Variants in WDR86 observed in about 807,000 individuals in gnomAD.
WDR86 encodes the protein WD repeat-containing protein 86.
In WDR86, 30 loss-of-function variants were observed where a neutral mutation model predicts 36.5. The ratio of observed to expected loss-of-function variants is 0.82; its 90% confidence interval spans 0.61 to 1.11. The LOEUF is 1.11. Among genes scored for constraint, WDR86 ranks in the 50% most tolerant of loss-of-function variants. The probability of loss-of-function intolerance (pLI) is 0.00; values close to 1 mark genes in which losing one functional copy is unlikely to be tolerated. For missense variants in WDR86, 545 were observed against 561.2 expected (o/e 0.97, Z 0.29); for synonymous variants, 255 against 252.9 (o/e 1.01, Z -0.08).
In WDR86 at chr7:151,404,005, TAAGCCAAGAA is replaced by T. The variant is rs1472344059; in HGVS notation, c.164-3774_164-3765del. On this transcript the variant is annotated intron_variant, in intron 1 of 5. Transcript: ENST00000334493. ...TGAAGCGCAGCAGTGAGTCATATGT[TAAGCCAAGAA>T]AAGCACTTAAAAGCCAATGGCGGCT... Among the ~76,000 whole-genome samples the T allele has an allele frequency of 2.6e-5, 4 of 152,340 alleles. No homozygotes were observed. The East Asian group carries it at 7.7e-4, about 29-fold the overall frequency.
chr7:151,393,867 G>A (rs928475587), intron 3 of WDR86, among the ~76,000 whole-genome samples: 5 of 152,194 alleles, frequency 3.3e-5, no homozygotes, highest in African/African-American at 4.8e-5. Context: ...GTAAGGACAC[G>A]GAGGGAGGGC....
At position 151,381,746 on chromosome 7, in the gene WDR86, C is replaced by A. The variant is rs1372416595; in HGVS notation, c.967G>T (p.Val323Leu). The stretch of plus-strand genomic sequence containing the variant: ...GCGGTGTAGAGCACCTGGCCGTGCA[C>A]CTGCGGGCGCAGGGGCGGGCGTCAC... ...GHTFIINCIQ[V>L]HGQVLYTASH... The change falls in exon 6 of 6, where the codon GTG becomes TTG. Residue 323 changes from valine (V) to leucine (L), a missense_variant and splice_region_variant. By Grantham distance (32) the Val-to-Leu change is conservative. Coordinates refer to ENST00000334493, the MANE Select transcript of WDR86 (RefSeq NM_198285.3). This position sits in a 1 kb window ranked among gnomAD's most constrained non-coding sequence, Gnocchi z 4.8. 4.0e-6 allele frequency: 6 copies of A among 1,514,086 alleles called. No individual in the cohort carries two copies. In the South Asian group the frequency reaches 7.6e-5, roughly 19 times the overall value. The allele number at this position is 1,514,086 out of a possible 1,614,324, so 93.8% of individuals were successfully genotyped here.
At chr7:151,373,178 G>A (rs1375059644), downstream of WDR86, among the ~76,000 whole-genome samples, 3 of 152,152 alleles carry the variant, frequency 2.0e-5, no homozygotes, top group African/African-American at 7.2e-5. Flanking sequence ...CCCCGTCCTC[G>A]CTGCTGCTGA....
At chr7:151,400,580 G>A (rs1407215858) in intron 1 of WDR86, among the ~76,000 whole-genome samples, 4 of 152,036 alleles carry the variant, frequency 2.6e-5, no homozygotes, top group African/African-American at 9.7e-5. Flanking sequence ...ATGGGGTTTC[G>A]CCATGTTAGT....
chr7:151,380,305 G>A (rs565091323), downstream of WDR86, among the ~76,000 whole-genome samples: 53 of 152,294 alleles, frequency 3.5e-4, no homozygotes, highest in South Asian at 6.8e-3. Context: ...GGGCGGACCC[G>A]CCCATCACCT....
chr7:151,402,074 T>TATATATAG (rs897384071), intron 1 of WDR86, among the ~76,000 whole-genome samples: 7 of 63,846 alleles, frequency 1.1e-4, no homozygotes, highest in Non-Finnish European at 2.0e-4. Flanking sequence ...AAAAAAAATA[T>TATATATAG]ATATATATAT....
At chr7:151,373,235 T>G (rs1798041854), downstream of WDR86, among the ~76,000 whole-genome samples, 1 of 152,240 alleles carries the variant, frequency 6.6e-6, no homozygotes, top group African/African-American at 2.4e-5. Context: ...CACTTAACTT[T>G]GTTGAAAGCT....
intron 3 of WDR86, among the ~76,000 whole-genome samples, chr7:151,391,888 G>A (rs949350040): frequency 3.7e-5 from 5 of 135,294 alleles, no homozygotes; most frequent in African/African-American, 1.0e-4. Context: ...CATCCCACCC[G>A]TCCTGGGCGA....
chr7:151,393,181 T>C (rs928185069), intron 3 of WDR86, among the ~76,000 whole-genome samples: 3 of 152,218 alleles, frequency 2.0e-5, no homozygotes, highest in Admixed American at 1.3e-4. Context: ...TGTACGTGCG[T>C]GGCTTGTCTG....
chr7:151,402,073 AT>A lies in WDR86; in HGVS notation c.164-1833del, dbSNP rs1563064832. Among the ~76,000 whole-genome samples the A allele has an allele frequency of 9.3e-3, 719 of 77,598 alleles. 10 individuals are homozygous for A. Among genetic ancestry groups the A allele is most frequent in the East Asian group, 0.023 (60 of 2,568 alleles). The allele number at this position is 77,598 out of a possible 152,430, so 50.9% of individuals were successfully genotyped here. ...AAAAAAAAAAAAAAAAAAAAAAAATATATATATATATATATATATCTCCACA... is the reference window on the plus strand; with the variant it reads ...AAAAAAAAAAAAAAAAAAAAAAAATAATATATATATATATATATCTCCACA... On this transcript the variant is annotated intron_variant, in intron 1 of 5. Coordinates refer to ENST00000334493, the MANE Select transcript of WDR86 (RefSeq NM_198285.3).
chr7:151,376,932 G>A (rs1231222200), downstream of WDR86: 24 of 1,413,706 alleles, frequency 1.7e-5, no homozygotes, highest in East Asian at 1.5e-4. Context: ...TCACCGGGCC[G>A]GCCACCTGGA....
At chr7:151,371,511 G>A (rs572551138), downstream of WDR86, among the ~76,000 whole-genome samples, 14 of 152,272 alleles carry the variant, frequency 9.2e-5, no homozygotes, top group South Asian at 2.5e-3. Flanking sequence ...ACTGGCTCAG[G>A]CCTGTGGCAA....
In WDR86 at chr7:151,401,357, C is replaced by G. The variant is rs1007968711; in HGVS notation, c.164-1116G>C. On this transcript the variant is annotated intron_variant, in intron 1 of 5. Transcript: ENST00000334493. The surrounding 1 kb of genome is among the most constrained non-coding windows in gnomAD (Gnocchi z 4.3). ...ACAGCAGGAGCAATCCAGGGGCACT[C>G]GCCTGCACCCTAAACCCTCTGTTTC... Among the ~76,000 whole-genome samples the G allele has an allele frequency of 6.6e-6, 1 of 152,238 alleles. No homozygotes were observed. The highest frequency in any genetic ancestry group is 1.5e-5 in the Non-Finnish European group (1 of 68,038).
At chr7:151,403,613 C>T (rs1474254753) in intron 1 of WDR86, among the ~76,000 whole-genome samples, 1 of 152,110 alleles carries the variant, frequency 6.6e-6, no homozygotes, top group Non-Finnish European at 1.5e-5. Context: ...TACCAGGCCG[C>T]TAAGAAAACA....
chr7:151,379,854 GTC>G (rs1221474618), downstream of WDR86, among the ~76,000 whole-genome samples: 1 of 152,216 alleles, frequency 6.6e-6, no homozygotes, highest in East Asian at 1.9e-4. Context: ...AAGCAGCAGT[GTC>G]TTCGGCAAGC....
intron 3 of WDR86, among the ~76,000 whole-genome samples, chr7:151,393,368 A>C (rs901508650): frequency 6.6e-6 from 1 of 152,138 alleles, no homozygotes; most frequent in African/African-American, 2.4e-5. Flanking sequence ...ACTCTCTGCC[A>C]GGACACCCTA....
chr7:151,394,925 G>A (rs987514603), intron 3 of WDR86, among the ~76,000 whole-genome samples: 3 of 152,212 alleles, frequency 2.0e-5, no homozygotes, highest in African/African-American at 7.2e-5. Flanking sequence ...AGGCGTTTTC[G>A]TGCCAAGCTT....
chr7:151,404,278 TGC>T (rs1273247569), intron 1 of WDR86, among the ~76,000 whole-genome samples: 1 of 151,906 alleles, frequency 6.6e-6, no homozygotes, highest in Non-Finnish European at 1.5e-5. Flanking sequence ...TGATGCCCTC[TGC>T]CCTCTGCCCT....
intron 4 of WDR86, among the ~76,000 whole-genome samples, chr7:151,382,487 C>G (rs1302548821): frequency 6.6e-6 from 1 of 152,220 alleles, no homozygotes; most frequent in African/African-American, 2.4e-5. Flanking sequence ...GGCTGCCTCT[C>G]CCTGGGGTTT....
Sources: gnomAD v4.1 joint callset for allele counts (sites outside exome capture counted in the v4.1 genomes callset) on GRCh38, gnomAD v4.1.1 for gene constraint, Gnocchi (gnomAD v3.1) non-coding constraint, MANE v1.5 for transcripts, NCBI Gene and HGNC (gene_info 2026-07-23, HGNC 2026-07-21) for gene names.